The following DNAJC11 variants were observed in gnomAD, a reference collection of about 807,000 sequenced individuals.
DNAJC11 encodes DnaJ heat shock protein family (Hsp40) member C11.
In DNAJC11, 15 loss-of-function variants were observed where a neutral mutation model predicts 78.6. The ratio of observed to expected loss-of-function variants is 0.19; its 90% CI spans 0.13 to 0.29. DNAJC11 has a LOEUF of 0.29. Ranked by LOEUF, DNAJC11 falls within the 10% of genes least tolerant of loss-of-function variation. The pLI is 1.00. For missense variants in DNAJC11, 547 were observed against 709.6 expected, an observed-to-expected ratio of 0.77 and a Z score of 2.60; for synonymous variants, 292 against 272.1, an observed-to-expected ratio of 1.07 and a Z score of -0.72.
Position 6,645,660 on chromosome 1 carries a change from C to A in DNAJC11, c.894+129G>T. 1 of 1,079,770 alleles carries A rather than the reference C, an allele frequency of 9.3e-7. No individual in the cohort carries two copies. The highest frequency in any genetic ancestry group is 1.3e-6 in the Non-Finnish European group (1 of 745,792). 66.9% of individuals were successfully genotyped at this position (1,079,770 alleles called of 1,614,324 possible). Reference sequence around the variant, plus strand: ...CGAGTGTGAGCACCGAGAGCCTGCCCCTCAGGGCCCTGTATGGGCTTAGAC... The same window carrying A: ...CGAGTGTGAGCACCGAGAGCCTGCCACTCAGGGCCCTGTATGGGCTTAGAC... On this transcript the variant is annotated intron_variant, in intron 8 of 15. Transcript: ENST00000377577. The surrounding 1 kb of genome is among the most constrained non-coding windows in gnomAD (Gnocchi z 4.1).
chr1:6,670,114 T>C (rs373390437), intron 3 of DNAJC11, among the ~76,000 whole-genome samples: 6 of 152,090 alleles, frequency 3.9e-5, no homozygotes, highest in African/African-American at 9.6e-5. Context: ...GCACCACGCC[T>C]GGTTAATTTT....
At chr1:6,668,880 C>T (rs914833481) in intron 3 of DNAJC11, among the ~76,000 whole-genome samples, 2 of 152,040 alleles carry the variant, frequency 1.3e-5, no homozygotes, top group Non-Finnish European at 2.9e-5. Flanking sequence ...AGAGTAATGT[C>T]GAGTCTGAGA....
chr1:6,684,849 A>G (rs1054187356), intron 1 of DNAJC11, among the ~76,000 whole-genome samples: 10 of 152,214 alleles, frequency 6.6e-5, no homozygotes, highest in Non-Finnish European at 1.0e-4. Context: ...ATCTTTCATC[A>G]TCTCAATCAC....
At chr1:6,636,984 G>A (rs1230320874) in intron 14 of DNAJC11, among the ~76,000 whole-genome samples, 1 of 152,194 alleles carries the variant, frequency 6.6e-6, no homozygotes, top group Non-Finnish European at 1.5e-5. Flanking sequence ...GAACAGCTGG[G>A]ACAACAGGTG....
intron 7 of DNAJC11, among the ~76,000 whole-genome samples, chr1:6,646,378 T>C (rs1641966071): frequency 1.3e-5 from 2 of 152,204 alleles, no homozygotes; most frequent in South Asian, 4.1e-4. Context: ...TGGAATCACC[T>C]GGCTCATCCA....
At chr1:6,685,042 G>GT (rs1185644658) in intron 1 of DNAJC11, among the ~76,000 whole-genome samples, 2 of 152,204 alleles carry the variant, frequency 1.3e-5, no homozygotes, top group Non-Finnish European at 2.9e-5. Flanking sequence ...GTATCCCAAG[G>GT]TGGGAGGATC....
chr1:6,676,100 T>C (rs1193977821), intron 3 of DNAJC11, among the ~76,000 whole-genome samples: 1 of 152,192 alleles, frequency 6.6e-6, no homozygotes, highest in South Asian at 2.1e-4. Context: ...AATGAACCAA[T>C]GTGACAGGAA....
chr1:6,698,529 CA>C (rs772257288), intron 1 of DNAJC11, among the ~76,000 whole-genome samples: 3 of 151,232 alleles, frequency 2.0e-5, no homozygotes, highest in Admixed American at 1.3e-4. Flanking sequence ...ACGAAGACAA[CA>C]GAAAGTGACT....
At chr1:6,673,977 G>C (rs182161462) in intron 3 of DNAJC11, among the ~76,000 whole-genome samples, 3 of 152,296 alleles carry the variant, frequency 2.0e-5, no homozygotes, top group Non-Finnish European at 4.4e-5. Context: ...TGCAACTCTG[G>C]GTGTAATCTA....
In DNAJC11 at chr1:6,653,871, G is replaced by A. The variant is rs370671561; in HGVS notation, c.507+40C>T. 46 of 1,604,780 alleles carry A rather than the reference G, an allele frequency of 2.9e-5. No homozygotes were observed. Among genetic ancestry groups the A allele is most frequent in the Admixed American group, 1.2e-4 (7 of 59,728 alleles). On this transcript the variant is annotated intron_variant, in intron 5 of 15. Coordinates refer to ENST00000377577, the MANE Select transcript of DNAJC11 (RefSeq NM_018198.4). The surrounding 1 kb of genome is among the most constrained non-coding windows in gnomAD (Gnocchi z 4.5). ...TTGGTGTGCTGTGCCTCATTAACTCGAGCCCTTGCTGTACTCGGAGAGGTG... is the reference window on the plus strand; with the variant it reads ...TTGGTGTGCTGTGCCTCATTAACTCAAGCCCTTGCTGTACTCGGAGAGGTG...
At chr1:6,679,954 G>A (rs1217619665) in intron 2 of DNAJC11, among the ~76,000 whole-genome samples, 1 of 152,166 alleles carries the variant, frequency 6.6e-6, no homozygotes, top group Non-Finnish European at 1.5e-5. Context: ...TACACCGACT[G>A]TACACATTTA....
At position 6,645,313 on chromosome 1, in the gene DNAJC11, T is replaced by A. The variant is rs139311204; in HGVS notation, c.895-187A>T. On this transcript the variant is annotated intron_variant, in intron 8 of 15. Transcript: ENST00000377577. This position sits in a 1 kb window ranked among gnomAD's most constrained non-coding sequence, Gnocchi z 4.1. The stretch of plus-strand genomic sequence containing the variant: ...AGCCAGTAATTAAAAAGTGGGAGAC[T>A]TCACTGAAAACCCAGTTTTCTAGCT... 8.5e-5 allele frequency among the ~76,000 whole-genome samples: 13 copies of A among 152,318 alleles called. No individual in the cohort carries two copies. The highest frequency in any genetic ancestry group is 3.1e-4 in the African/African-American group (13 of 41,560).
intron 4 of DNAJC11, among the ~76,000 whole-genome samples, chr1:6,657,021 G>C (rs1314526494): frequency 6.6e-6 from 1 of 152,146 alleles, no homozygotes. Context: ...AAAATAGTGT[G>C]ACACACTGTG....
At chr1:6,636,622 A>G (rs1352564123) in intron 14 of DNAJC11, among the ~76,000 whole-genome samples, 1 of 152,200 alleles carries the variant, frequency 6.6e-6, no homozygotes, top group Non-Finnish European at 1.5e-5. Flanking sequence ...ATCAAATGCC[A>G]TGAAGGCAGG....
chr1:6,634,293 C>G lies in DNAJC11; in HGVS notation c.*1382G>C. ...GCACGGGAAGCCCGGGGCCCAGGCT[C>G]ATGCAACACGACGCTCACCGCGGCT... On this transcript the variant is annotated 3_prime_UTR_variant, in exon 16 of 16. Transcript: ENST00000377577. The G allele has an allele frequency of 1.1e-6, 1 of 899,794 alleles. No homozygotes were observed. 55.7% of individuals were successfully genotyped at this position (899,794 alleles called of 1,614,324 possible). A position where few individuals can be genotyped will look rare whatever the true frequency, so the allele number is the denominator to read the frequency against.
chr1:6,644,811 G>C (rs1641941515), intron 9 of DNAJC11, 137 bp from the exon 10 acceptor site: 3 of 827,502 alleles, frequency 3.6e-6, no homozygotes, highest in Non-Finnish European at 3.9e-6. Flanking sequence ...ATTCATGACA[G>C]AAGAAAGTTG....
chr1:6,659,596 C>T (rs1325943006), intron 4 of DNAJC11, among the ~76,000 whole-genome samples: 1 of 151,896 alleles, frequency 6.6e-6, no homozygotes, highest in African/African-American at 2.4e-5. Flanking sequence ...CTCGTCTCTA[C>T]TAAAAACACA....
rs1193453470 is a variant in DNAJC11 at position 6,634,603 on chromosome 1, G to C, written c.*1072C>G. On this transcript the variant is annotated 3_prime_UTR_variant, in exon 16 of 16. Coordinates refer to ENST00000377577, the MANE Select transcript of DNAJC11 (RefSeq NM_018198.4). ...TGGCTGCCACTTCCAGGCCCCGAGA[G>C]ACAGGCCTCACGTAACTTTACTGCA... 7.3e-7 allele frequency: 1 copy of C among 1,366,382 alleles called. No homozygotes were observed. The highest frequency in any genetic ancestry group is 9.8e-7 in the Non-Finnish European group (1 of 1,021,850). 84.6% of individuals were successfully genotyped at this position (1,366,382 alleles called of 1,614,324 possible).
chr1:6,665,326 C>T (rs1401758187), intron 4 of DNAJC11, among the ~76,000 whole-genome samples: 1 of 152,196 alleles, frequency 6.6e-6, no homozygotes, highest in African/African-American at 2.4e-5. Flanking sequence ...GCCTTGGCCT[C>T]CCAAAGTGCT....
Sources: gnomAD v4.1 joint callset for allele counts (sites outside exome capture counted in the v4.1 genomes callset) on GRCh38, gnomAD v4.1.1 for gene constraint, Gnocchi (gnomAD v3.1) non-coding constraint, MANE v1.5 for transcripts, NCBI Gene and HGNC (gene_info 2026-07-23, HGNC 2026-07-21) for gene names.